The following PCDHA4 variants were observed in gnomAD, a reference collection of about 807,000 sequenced individuals.
PCDHA4 encodes the protein protocadherin alpha-4.
In PCDHA4, 49 loss-of-function variants were observed where a neutral mutation model predicts 61.4. The ratio of observed to expected loss-of-function variants is 0.80; its 90% CI spans 0.63 to 1.01. The LOEUF is 1.01. Ranked by LOEUF, PCDHA4 falls within the 50% of genes least tolerant of loss-of-function variation. The pLI is 0.00. For missense variants in PCDHA4, 1,254 were observed against 1,235.8 expected (o/e 1.01, Z -0.22); for synonymous variants, 590 against 550.3 (o/e 1.07, Z -1.01).
chr5:140,821,892 A>G, intron 1 of PCDHA4: 1 of 1,614,238 alleles, frequency 6.2e-7, no homozygotes, highest in Non-Finnish European at 8.5e-7. Flanking sequence ...AGGAAGCCAA[A>G]CACGGAACCT....
At chr5:140,938,395 C>G (rs2092045479) in intron 1 of PCDHA4, among the ~76,000 whole-genome samples, 1 of 152,114 alleles carries the variant, frequency 6.6e-6, no homozygotes, top group African/African-American at 2.4e-5. Context: ...ATATGAAATA[C>G]ATTGTTTGAT....
At position 140,850,869 on chromosome 5, in the gene PCDHA4, T is replaced by C. The variant is rs1204218607; in HGVS notation, c.2385+41297T>C. 3.3e-5 allele frequency: 52 copies of C among 1,591,956 alleles called. 5 individuals carry two copies. The highest frequency in any genetic ancestry group is 4.2e-5 in the Non-Finnish European group (49 of 1,163,508). ...AGAGCGAACGGGAGAACCCTCTGCT[T>C]CCTCAGATTCAACTGGGAAGGTGGG... On this transcript the variant is annotated intron_variant, in intron 1 of 3. Coordinates refer to ENST00000530339, the MANE Select transcript of PCDHA4 (RefSeq NM_018907.4).
chr5:140,893,753 A>G (rs1007226278), intron 1 of PCDHA4, among the ~76,000 whole-genome samples: 3 of 152,106 alleles, frequency 2.0e-5, no homozygotes, highest in South Asian at 2.1e-4. Context: ...GAATTTTCTT[A>G]TAGGTGACTT....
chr5:140,827,082 CTA>C (rs1169627536), intron 1 of PCDHA4, among the ~76,000 whole-genome samples: 2 of 152,100 alleles, frequency 1.3e-5, no homozygotes, highest in African/African-American at 2.4e-5. Context: ...ATTTAACAAA[CTA>C]TTTTCTAGGA....
chr5:140,898,547 A>C (rs1337213913), intron 1 of PCDHA4, among the ~76,000 whole-genome samples: 3 of 152,078 alleles, frequency 2.0e-5, no homozygotes, highest in Non-Finnish European at 4.4e-5. Flanking sequence ...CCATTTATCT[A>C]TGTCTCTGTT....
chr5:140,822,418 G>C, intron 1 of PCDHA4: 1 of 1,614,068 alleles, frequency 6.2e-7, no homozygotes, highest in South Asian at 1.1e-5. Flanking sequence ...GATTGCAACT[G>C]ATGGAGGAAA....
At chr5:140,811,381 G>A (rs1581713992) in intron 1 of PCDHA4, 1 of 152,178 alleles carries the variant, frequency 6.6e-6, no homozygotes, top group East Asian at 1.9e-4. Context: ...GTGTATATGT[G>A]TCACATTTTC....
intron 3 of PCDHA4, among the ~76,000 whole-genome samples, chr5:140,999,591 C>T (rs2153957965): frequency 1.3e-5 from 2 of 152,208 alleles, no homozygotes; most frequent in South Asian, 4.2e-4. Flanking sequence ...AATTGCCTTC[C>T]CTACATCCTG....
At chr5:140,832,877 A>T (rs1281043082) in intron 1 of PCDHA4, among the ~76,000 whole-genome samples, 1 of 152,210 alleles carries the variant, frequency 6.6e-6, no homozygotes, top group Non-Finnish European at 1.5e-5. Context: ...TACTGGTTAT[A>T]AAATGGAAAG....
At chr5:140,847,308 C>T (rs1295740719) in intron 1 of PCDHA4, among the ~76,000 whole-genome samples, 2 of 149,754 alleles carry the variant, frequency 1.3e-5, no homozygotes, top group Admixed American at 6.7e-5. Context: ...CTGCAGTAAT[C>T]AAGGACAGAA....
intron 1 of PCDHA4, chr5:140,828,687 C>T: frequency 6.2e-7 from 1 of 1,614,206 alleles, no homozygotes; most frequent in Non-Finnish European, 8.5e-7. Context: ...TTAAAGAAAT[C>T]CTTGGACAGA....
At chr5:140,956,958 A>C (rs970237928) in intron 1 of PCDHA4, among the ~76,000 whole-genome samples, 4 of 134,798 alleles carry the variant, frequency 3.0e-5, no homozygotes, top group Non-Finnish European at 6.6e-5. Context: ...AAACACTGTA[A>C]TTAATCAGTC....
intron 1 of PCDHA4, chr5:140,861,475 G>C: frequency 4.1e-6 from 2 of 492,480 alleles, no homozygotes; most frequent in South Asian, 1.6e-5. Flanking sequence ...CTGCAGAATG[G>C]CATTTTTGTG....
In PCDHA4 at chr5:140,877,669, G is replaced by A. The variant is rs548426920; in HGVS notation, c.2385+68097G>A. The A allele has an allele frequency of 1.4e-4, 219 of 1,613,638 alleles. 3 individuals are homozygous for A. The South Asian group carries it at 2.2e-3, about 17-fold the overall frequency. On this transcript the variant is annotated intron_variant, in intron 1 of 3. Coordinates refer to ENST00000530339, the MANE Select transcript of PCDHA4 (RefSeq NM_018907.4). ...AGCGCCGCCCACCGTGAGCCGGTGC[G>A]CGCCGGGCAAGCCCACGCTGGTGTG...
intron 1 of PCDHA4, among the ~76,000 whole-genome samples, chr5:140,893,392 C>T (rs116952410): frequency 6.6e-6 from 1 of 152,112 alleles, no homozygotes; most frequent in African/African-American, 2.4e-5. Context: ...GTGGCTCATG[C>T]CTGTAATCCC....
intron 1 of PCDHA4, chr5:140,836,076 C>A (rs1387042597): frequency 5.6e-6 from 9 of 1,613,592 alleles, no homozygotes; most frequent in Non-Finnish European, 7.6e-6. Flanking sequence ...CGCGCCGGCA[C>A]TGCTGGCGCC....
At chr5:140,906,059 G>A (rs1583580035) in intron 1 of PCDHA4, among the ~76,000 whole-genome samples, 1 of 152,158 alleles carries the variant, frequency 6.6e-6, no homozygotes, top group South Asian at 2.1e-4. Flanking sequence ...TGCACTGGCA[G>A]CTGATTAGAT....
intron 1 of PCDHA4, chr5:140,842,676 C>T (rs2150341725): frequency 6.3e-7 from 1 of 1,595,430 alleles, no homozygotes. Context: ...AACGACAATG[C>T]TCCGGCGTTC....
rs562257406 is a variant in PCDHA4 at position 140,883,263 on chromosome 5, G to A, written c.2385+73691G>A. 5.0e-6 allele frequency: 8 copies of A among 1,613,870 alleles called. No individual in the cohort carries two copies. The Admixed American group carries it at 6.7e-5, about 13-fold the overall frequency. ...GACAAAGGAAATATTCCAATGGCGG[G>A]TCATTGTACCCTTTTGGTGGAAGTA... On this transcript the variant is annotated intron_variant, in intron 1 of 3. Transcript: ENST00000530339.
Sources: gnomAD v4.1 joint callset for allele counts (sites outside exome capture counted in the v4.1 genomes callset) on GRCh38, gnomAD v4.1.1 for gene constraint, MANE v1.5 for transcripts, NCBI Gene and HGNC (gene_info 2026-07-23, HGNC 2026-07-21) for gene names.